Variants in DOCK8 observed in about 807,000 individuals in gnomAD.
DOCK8 encodes dedicator of cytokinesis protein 8.
A neutral mutation model predicts 245.6 loss-of-function variants in DOCK8; 141 were observed. The observed-to-expected ratio is 0.57, with a 90% CI of 0.50 to 0.66. The LOEUF (loss-of-function observed/expected upper bound fraction) is 0.66, where lower values mean the gene tolerates loss of function less well. Among genes scored for constraint, DOCK8 ranks in the 30% least tolerant of loss-of-function variants. DOCK8 has a pLI of 0.00. For synonymous variants in DOCK8, 1,168 were observed against 970.2 expected, an observed-to-expected ratio of 1.20 and a Z score of -3.79; for missense variants, 2,965 against 2,603.4, an observed-to-expected ratio of 1.14 and a Z score of -3.02.
At chr9:231,974 C>T (rs1004703287) in intron 1 of DOCK8, among the ~76,000 whole-genome samples, 9 of 152,040 alleles carry the variant, frequency 5.9e-5, no homozygotes, top group East Asian at 3.9e-4. Flanking sequence ...GTCTTGTGCC[C>T]GTTTTCAAAG....
At chr9:238,916 C>T (rs2047320916) in intron 1 of DOCK8, among the ~76,000 whole-genome samples, 1 of 152,008 alleles carries the variant, frequency 6.6e-6, no homozygotes, top group Non-Finnish European at 1.5e-5. Flanking sequence ...CCACCCTGGC[C>T]AGGACGCCAT....
chr9:319,948 T>C (rs1236948096), intron 7 of DOCK8, among the ~76,000 whole-genome samples: 1 of 152,260 alleles, frequency 6.6e-6, no homozygotes, highest in Non-Finnish European at 1.5e-5. Flanking sequence ...GCAGTTTCTT[T>C]TAAATGCAGA....
intron 2 of DOCK8, among the ~76,000 whole-genome samples, chr9:279,012 G>A (rs987996616): frequency 2.0e-5 from 3 of 152,172 alleles, no homozygotes; most frequent in South Asian, 2.1e-4. Context: ...AAGCAATACC[G>A]GTGCTTTGGA....
chr9:421,168 T>C (rs1417159454), intron 32 of DOCK8, 90 bp downstream of exon 32: 5 of 1,545,562 alleles, frequency 3.2e-6, no homozygotes, highest in African/African-American at 1.4e-5. Context: ...TTAGACACCA[T>C]TACTTTCTTG....
chr9:278,285 G>A (rs762026123), intron 2 of DOCK8, among the ~76,000 whole-genome samples: 2 of 152,260 alleles, frequency 1.3e-5, no homozygotes, highest in Non-Finnish European at 2.9e-5. Context: ...TTGGAAGCAG[G>A]AGAGTGTTTA....
intron 4 of DOCK8, among the ~76,000 whole-genome samples, chr9:299,845 C>G (rs1469702571): frequency 6.6e-6 from 1 of 151,822 alleles, no homozygotes; most frequent in African/African-American, 2.4e-5. Flanking sequence ...CACAGTGAAA[C>G]CCCGTCTCTA....
At chr9:363,469 A>C (rs2052829019) in intron 14 of DOCK8, among the ~76,000 whole-genome samples, 1 of 152,236 alleles carries the variant, frequency 6.6e-6, no homozygotes, top group African/African-American at 2.4e-5. Flanking sequence ...CTGGCCATGC[A>C]GGCAGATCTT....
intron 14 of DOCK8, among the ~76,000 whole-genome samples, chr9:351,152 C>T (rs72703507): frequency 0.14 from 21,215 of 152,126 alleles, 1,886 homozygotes; most frequent in Non-Finnish European, 0.2. Flanking sequence ...GGGGTTCCAC[C>T]GGGATTTGCC....
chr9:220,736 T>TTTTTTTTTTTTTTTTTTTTTC, intron 1 of DOCK8: 1 of 418,396 alleles, frequency 2.4e-6, no homozygotes, highest in South Asian at 1.7e-5. Context: ...TTTTTTTCTT[T>TTTTTTTTTTTTTTTTTTTTTC]TTTTGAGACA....
At chr9:454,362 T>C (rs1475131785) in intron 46 of DOCK8, 1 of 152,216 alleles carries the variant, frequency 6.6e-6, no homozygotes, top group Non-Finnish European at 1.5e-5. Context: ...TCTCTTACTC[T>C]ATCTAATTTG....
chr9:376,391 C>T (rs1368754879), intron 19 of DOCK8, 86 bp downstream of exon 19: 8 of 969,690 alleles, frequency 8.3e-6, no homozygotes, highest in African/African-American at 4.8e-5. Context: ...CAGTGAAAAT[C>T]CTTGTCTACA....
chr9:366,444 T>C (rs1390134528), intron 14 of DOCK8: 1 of 152,238 alleles, frequency 6.6e-6, no homozygotes, highest in African/African-American at 2.4e-5. Context: ...GTTCCAATTA[T>C]CATTTTTCCT....
chr9:340,258 G>T lies in DOCK8; in HGVS notation c.1616G>T (p.Arg539Leu), dbSNP rs767480890. 4 of 1,613,954 alleles carry T rather than the reference G, an allele frequency of 2.5e-6. No homozygotes were observed. The Admixed American group carries it at 6.7e-5, about 27-fold the overall frequency. Residue 539 changes from arginine to leucine, a missense_variant, in exon 14 of 48, where the codon CGC becomes CTC. Arg to Leu is a moderately radical substitution (Grantham distance 102). Transcript: ENST00000432829. ...AAACCCTTTCCTGAAAACCGGACAC[G>T]CCCGCACAAAGAGATTTTGGAATTT... is the stretch of plus-strand genomic sequence containing the variant. ...PVKPFPENRTRPHKEILEFPT... is the reference protein window; with the variant it reads ...PVKPFPENRTLPHKEILEFPT...
At chr9:428,110 G>T in intron 34 of DOCK8, among the ~76,000 whole-genome samples, 1 of 152,132 alleles carries the variant, frequency 6.6e-6, no homozygotes, top group East Asian at 1.9e-4. Flanking sequence ...TGAGGGAGAT[G>T]GGCCTTATAC....
chr9:357,709 G>C (rs2052512473), intron 14 of DOCK8, among the ~76,000 whole-genome samples: 2 of 152,254 alleles, frequency 1.3e-5, no homozygotes, highest in South Asian at 4.1e-4. Context: ...GGAGGACAGG[G>C]GTTACTAAGG....
chr9:229,470 C>G lies in DOCK8; in HGVS notation c.53+14441C>G, dbSNP rs16923575. Among the ~76,000 whole-genome samples, 7 of 152,232 alleles carry G rather than the reference C, an allele frequency of 4.6e-5. No individual in the cohort carries two copies. In the East Asian group the frequency reaches 5.8e-4, roughly 13 times the overall value. ...GATGCTCTTAAATCCCATAATTACA[C>G]TGATGGACTCCAGATTGCAGAGCTG... On this transcript the variant is annotated intron_variant, in intron 1 of 47. Transcript: ENST00000432829.
intron 1 of DOCK8, among the ~76,000 whole-genome samples, chr9:242,136 C>G (rs145392336): frequency 3.9e-5 from 6 of 152,266 alleles, no homozygotes; most frequent in African/African-American, 1.4e-4. Flanking sequence ...CCTCAGTTTC[C>G]TGAAGATGAA....
At chr9:325,577 A>T (rs1007637595) in intron 7 of DOCK8, 94 bp from the exon 8 acceptor site, 17 of 1,029,822 alleles carry the variant, frequency 1.7e-5, no homozygotes, top group Non-Finnish European at 2.5e-5. Flanking sequence ...GAAACTGCTC[A>T]TATTTTTAAC....
At chr9:290,269 GT>G (rs57097950) in intron 4 of DOCK8, among the ~76,000 whole-genome samples, 3,802 of 145,514 alleles carry the variant, frequency 0.026, 144 homozygotes, top group African/African-American at 0.089. Flanking sequence ...ACATTATGAG[GT>G]TTTTTTTTTT....
Sources: allele counts gnomAD v4.1 joint callset (sites outside exome capture counted in the v4.1 genomes callset), GRCh38; gene constraint gnomAD v4.1.1; transcripts MANE v1.5; gene names NCBI Gene and HGNC (gene_info 2026-07-23, HGNC 2026-07-21).